ADAMTSL3: variants seen among roughly 807,000 people sequenced by gnomAD.
ADAMTSL3 encodes ADAMTS like 3, also known as ADAMTS-like protein 3.
A neutral mutation model predicts 201.7 loss-of-function variants in ADAMTSL3; 128 were observed. That is an observed-to-expected ratio of 0.63 (90% CI 0.55 to 0.73). The LOEUF is 0.73. ADAMTSL3 is among the 30% of genes least tolerant of loss of function. ADAMTSL3 has a pLI of 0.00. For synonymous variants in ADAMTSL3, 738 were observed against 748.4 expected, an observed-to-expected ratio of 0.99 and a Z score of 0.23; for missense variants, 1,990 against 2,119.6, an observed-to-expected ratio of 0.94 and a Z score of 1.20.
chr15:83,953,569 C>T (rs2066795692), intron 19 of ADAMTSL3, among the ~76,000 whole-genome samples: 1 of 152,110 alleles, frequency 6.6e-6, no homozygotes, highest in African/African-American at 2.4e-5. Context: ...TTAGTTTTGA[C>T]ACCACAATCA....
Position 84,036,944 on chromosome 15 carries a change from G to A in ADAMTSL3, c.4926G>A (p.Lys1642=), listed in dbSNP as rs774940498. The change falls in exon 29 of 30, where the codon AAG becomes AAA. Residue 1642 remains lysine, a synonymous_variant. Coordinates refer to ENST00000286744, the MANE Select transcript of ADAMTSL3 (RefSeq NM_207517.3). ...PVAKRHCVQK[K]KPISWRHCLG... ...CCAAGAGACACTGTGTACAGAAAAA[G>A]AAACCAATTTCCTGGCGGCACTGTC... The A allele has an allele frequency of 2.5e-6, 4 of 1,614,044 alleles. No homozygotes were observed. In the East Asian group the frequency reaches 8.9e-5, roughly 36 times the overall value.
chr15:83,827,981 G>A (rs934280808), intron 6 of ADAMTSL3, among the ~76,000 whole-genome samples: 5 of 152,174 alleles, frequency 3.3e-5, no homozygotes, highest in African/African-American at 4.8e-5. Context: ...TTTTGGGTTA[G>A]GATTGTCTTG....
intron 20 of ADAMTSL3, among the ~76,000 whole-genome samples, chr15:83,981,406 A>G (rs1387671467): frequency 1.3e-5 from 2 of 152,252 alleles, no homozygotes; most frequent in African/African-American, 4.8e-5. Flanking sequence ...CCTTGTCACC[A>G]GATCAGTGGT....
intron 3 of ADAMTSL3, among the ~76,000 whole-genome samples, chr15:83,747,840 G>A (rs945220305): frequency 6.6e-6 from 1 of 151,370 alleles, no homozygotes; most frequent in African/African-American, 2.4e-5. Context: ...ATGGAGAAGC[G>A]GATCTTATTT....
At position 83,773,823 on chromosome 15, in the gene ADAMTSL3, G is replaced by A. The variant is rs114320669; in HGVS notation, c.317+173G>A. Among the ~76,000 whole-genome samples the A allele has an allele frequency of 7.9e-3, 1,196 of 152,256 alleles. 12 individuals carry two copies. The highest frequency in any genetic ancestry group is 0.027 in the African/African-American group (1,114 of 41,544). On this transcript the variant is annotated intron_variant, in intron 4 of 29. Coordinates refer to ENST00000286744, the MANE Select transcript of ADAMTSL3 (RefSeq NM_207517.3). ...AACATATTTAAGCAGCCATGGTCCCGTTTTCGTGGGTGTGGCCATGTTGCG... is the reference window on the plus strand; with the variant it reads ...AACATATTTAAGCAGCCATGGTCCCATTTTCGTGGGTGTGGCCATGTTGCG...
intron 4 of ADAMTSL3, among the ~76,000 whole-genome samples, chr15:83,778,688 A>G (rs1447013196): frequency 2.0e-5 from 3 of 152,232 alleles, no homozygotes; most frequent in Admixed American, 6.5e-5. Context: ...GACCAGTGAC[A>G]CTATAAAGCA....
At chr15:83,987,228 A>C (rs549055595) in intron 21 of ADAMTSL3, among the ~76,000 whole-genome samples, 9 of 152,232 alleles carry the variant, frequency 5.9e-5, no homozygotes, top group Non-Finnish European at 1.2e-4. Context: ...GAGGTCTGCC[A>C]TACTCTTGTT....
intron 7 of ADAMTSL3, among the ~76,000 whole-genome samples, chr15:83,846,103 G>A (rs74024579): frequency 0.011 from 1,680 of 152,236 alleles, 36 homozygotes; most frequent in African/African-American, 0.037. Flanking sequence ...TGCAACACCC[G>A]TGGTCACCCA....
intron 23 of ADAMTSL3, among the ~76,000 whole-genome samples, chr15:83,998,894 C>G (rs918034407): frequency 6.6e-6 from 1 of 152,218 alleles, no homozygotes; most frequent in Non-Finnish European, 1.5e-5. Flanking sequence ...ACAAGGTCCC[C>G]AGAGAAGAGG....
chr15:83,952,566 A>C (rs2066777377), intron 19 of ADAMTSL3, among the ~76,000 whole-genome samples: 2 of 152,174 alleles, frequency 1.3e-5, no homozygotes, highest in South Asian at 4.1e-4. Context: ...CATTGTATTG[A>C]GGCCTATATC....
chr15:83,665,294 A>G (rs575041057), intron 2 of ADAMTSL3, among the ~76,000 whole-genome samples: 15 of 152,142 alleles, frequency 9.9e-5, no homozygotes, highest in Non-Finnish European at 2.1e-4. Context: ...ATTCACCCTG[A>G]TCTTGGGAAA....
At chr15:84,002,328 C>T (rs1159540451) in intron 23 of ADAMTSL3, among the ~76,000 whole-genome samples, 1 of 152,140 alleles carries the variant, frequency 6.6e-6, no homozygotes, top group Non-Finnish European at 1.5e-5. Context: ...CATTCAAGTA[C>T]AGCCTTGATG....
At position 83,872,843 on chromosome 15, in the gene ADAMTSL3, TA is replaced by T. The variant is rs968145545; in HGVS notation, c.960+1886del. ...TTGACACCATTTATAAAAACACACA[TA>T]AGCTGCATATTTCTATGAGTTTGTA... is the stretch of plus-strand genomic sequence containing the variant. On this transcript the variant is annotated intron_variant, in intron 9 of 29. Coordinates refer to ENST00000286744, the MANE Select transcript of ADAMTSL3 (RefSeq NM_207517.3). Among the ~76,000 whole-genome samples the T allele has an allele frequency of 1.1e-4, 16 of 145,250 alleles. 3 individuals carry two copies. Among genetic ancestry groups the T allele is most frequent in the African/African-American group, 4.2e-4 (16 of 38,004 alleles).
chr15:83,723,006 A>G (rs918815624), intron 3 of ADAMTSL3, among the ~76,000 whole-genome samples: 1 of 152,210 alleles, frequency 6.6e-6, no homozygotes, highest in Non-Finnish European at 1.5e-5. Context: ...TAGAAGCCTT[A>G]AAATGAATAC....
chr15:83,678,395 C>G (rs559644583), intron 2 of ADAMTSL3, among the ~76,000 whole-genome samples: 2 of 139,868 alleles, frequency 1.4e-5, no homozygotes, highest in South Asian at 5.0e-4. Context: ...GATATTTTTG[C>G]TGGATATAGA....
intron 3 of ADAMTSL3, among the ~76,000 whole-genome samples, chr15:83,715,751 G>A (rs2062008237): frequency 1.3e-5 from 2 of 152,136 alleles, no homozygotes; most frequent in East Asian, 3.9e-4. Context: ...TAAAGCCCCT[G>A]CACAGCTTGG....
chr15:83,778,224 GGATGAACCCA>G (rs2063112943), intron 4 of ADAMTSL3, among the ~76,000 whole-genome samples: 2 of 152,138 alleles, frequency 1.3e-5, no homozygotes, highest in Admixed American at 1.3e-4. Flanking sequence ...AGAACTTCAT[GGATGAACCCA>G]ACTAGCTAGA....
At chr15:83,868,341 A>G (rs1248545376) in intron 8 of ADAMTSL3, among the ~76,000 whole-genome samples, 1 of 152,240 alleles carries the variant, frequency 6.6e-6, no homozygotes, top group African/African-American at 2.4e-5. Flanking sequence ...AAGTCAATAC[A>G]TCATCTGAAT....
intron 4 of ADAMTSL3, among the ~76,000 whole-genome samples, chr15:83,802,436 C>T (rs2063539411): frequency 6.6e-6 from 1 of 151,964 alleles, no homozygotes; most frequent in African/African-American, 2.4e-5. Flanking sequence ...TTCATACTTA[C>T]CCAAAACTAA....
Sources: allele counts gnomAD v4.1 joint callset (sites outside exome capture counted in the v4.1 genomes callset), GRCh38; gene constraint gnomAD v4.1.1; transcripts MANE v1.5; gene names NCBI Gene and HGNC (gene_info 2026-07-23, HGNC 2026-07-21).